Variants in PTPRD observed in about 807,000 individuals in gnomAD.
The protein encoded by PTPRD is receptor-type tyrosine-protein phosphatase delta.
A neutral mutation model predicts 214.5 loss-of-function variants in PTPRD; 34 were observed. The observed-to-expected ratio is 0.16, with a 90% confidence interval of 0.12 to 0.21. The LOEUF is 0.21. PTPRD is among the 10% of genes least tolerant of loss of function. PTPRD has a pLI of 1.00. For missense variants in PTPRD, 2,545 were observed against 2,398.7 expected (o/e 1.06, Z -1.27); for synonymous variants, 1,128 against 845.7 (o/e 1.33, Z -5.79).
chr9:10,414,696 C>T (rs1703074998), intron 2 of PTPRD, among the ~76,000 whole-genome samples: 1 of 151,882 alleles, frequency 6.6e-6, no homozygotes, highest in Admixed American at 6.6e-5. Context: ...CCTAAACACC[C>T]ATCAATGATA....
rs183082628 is a variant in PTPRD at position 9,633,552 on chromosome 9, A to G, written c.-286-58771T>C. Among the ~76,000 whole-genome samples, 555 of 152,300 alleles carry G rather than the reference A, an allele frequency of 3.6e-3. 5 individuals carry two copies. The highest frequency in any genetic ancestry group is 0.013 in the African/African-American group (528 of 41,570). ...AAGCAGATATTATTTCTTTATAGCT[A>G]TCATAAGCAAGGAGTCTGATTCTCT... is the stretch of plus-strand genomic sequence containing the variant. On this transcript the variant is annotated intron_variant, in intron 7 of 45. Coordinates refer to ENST00000381196, the MANE Select transcript of PTPRD (RefSeq NM_002839.4).
chr9:10,177,006 G>A (rs997001634), intron 3 of PTPRD, among the ~76,000 whole-genome samples: 3 of 151,944 alleles, frequency 2.0e-5, no homozygotes, highest in Admixed American at 6.6e-5. Context: ...GCTCATCCAT[G>A]TAACCTACAC....
chr9:9,265,075 G>C (rs1374399252), intron 9 of PTPRD, among the ~76,000 whole-genome samples: 1 of 151,636 alleles, frequency 6.6e-6, no homozygotes. Flanking sequence ...GATGCTATTA[G>C]TAATATGAAA....
rs71321214 is a variant in PTPRD at position 10,018,538 on chromosome 9, C to CTTTTTTTTTTTTTTT, written c.-472+15165_-472+15179dup. ...AATGATTTATTTAAGAATTACATTT[C>CTTTTTTTTTTTTTTT]TTTTTTTTTTTTTTTTTTTTTTTTT... On this transcript the variant is annotated intron_variant, in intron 4 of 45. Transcript: ENST00000381196. Among the ~76,000 whole-genome samples the CTTTTTTTTTTTTTTT allele has an allele frequency of 1.3e-4, 9 of 71,092 alleles. 4 individuals carry two copies. The highest frequency in any genetic ancestry group is 2.4e-4 in the Non-Finnish European group (9 of 36,838). 46.6% of individuals were successfully genotyped at this position (71,092 alleles called of 152,430 possible).
intron 11 of PTPRD, among the ~76,000 whole-genome samples, chr9:8,838,788 T>C (rs2097495350): frequency 6.6e-6 from 1 of 152,008 alleles, no homozygotes; most frequent in Admixed American, 6.5e-5. Flanking sequence ...AGTTTGAGGA[T>C]CATGTGACTG....
intron 11 of PTPRD, among the ~76,000 whole-genome samples, chr9:8,840,384 A>T (rs1364289375): frequency 6.6e-6 from 1 of 152,228 alleles, no homozygotes; most frequent in African/African-American, 2.4e-5. Context: ...GCTGCGATCC[A>T]TGTAAGAAGT....
intron 5 of PTPRD, among the ~76,000 whole-genome samples, chr9:9,908,684 GTTCT>G (rs1378532063): frequency 2.6e-5 from 4 of 151,906 alleles, no homozygotes; most frequent in Non-Finnish European, 4.4e-5. Context: ...TGAGTTTTCT[GTTCT>G]TTATCTTGCT....
intron 4 of PTPRD, among the ~76,000 whole-genome samples, chr9:9,958,815 C>A (rs1426459758): frequency 6.6e-6 from 1 of 152,092 alleles, no homozygotes; most frequent in Non-Finnish European, 1.5e-5. Context: ...AACCTCACAC[C>A]TATTAGACAC....
chr9:8,763,608 A>G (rs1015229058), intron 11 of PTPRD, among the ~76,000 whole-genome samples: 2 of 151,474 alleles, frequency 1.3e-5, no homozygotes, highest in African/African-American at 4.8e-5. Flanking sequence ...ATTGCTACAA[A>G]TGTCATTTTT....
At chr9:9,725,324 T>C (rs2098065232) in intron 7 of PTPRD, among the ~76,000 whole-genome samples, 1 of 151,960 alleles carries the variant, frequency 6.6e-6, no homozygotes, top group African/African-American at 2.4e-5. Flanking sequence ...CTTTTTTTTT[T>C]TTTGCCTGCT....
chr9:10,470,228 A>G (rs2099021573), intron 2 of PTPRD, among the ~76,000 whole-genome samples: 1 of 152,158 alleles, frequency 6.6e-6, no homozygotes, highest in South Asian at 2.1e-4. Flanking sequence ...AATACACACC[A>G]CATAAATATG....
At chr9:8,426,049 T>C (rs766439209) in intron 35 of PTPRD, among the ~76,000 whole-genome samples, 1 of 152,164 alleles carries the variant, frequency 6.6e-6, no homozygotes, top group Non-Finnish European at 1.5e-5. Flanking sequence ...GAGAAGAGAA[T>C]GTTATAGAAG....
At chr9:8,606,206 A>G (rs1476001325) in intron 14 of PTPRD, among the ~76,000 whole-genome samples, 1 of 152,074 alleles carries the variant, frequency 6.6e-6, no homozygotes, top group Non-Finnish European at 1.5e-5. Flanking sequence ...AGGAGGGAAA[A>G]GTGTCCAAAT....
At chr9:9,244,387 T>C (rs1364188201) in intron 9 of PTPRD, among the ~76,000 whole-genome samples, 3 of 152,090 alleles carry the variant, frequency 2.0e-5, no homozygotes, top group East Asian at 1.9e-4. Context: ...CTTCAAACTA[T>C]GCTACAAGTC....
intron 10 of PTPRD, among the ~76,000 whole-genome samples, chr9:9,044,855 A>C (rs2099667239): frequency 6.6e-6 from 1 of 152,200 alleles, no homozygotes; most frequent in African/African-American, 2.4e-5. Flanking sequence ...CCAATGAAAT[A>C]GTTACCTTGA....
At chr9:9,650,843 TATC>T (rs1391331353) in intron 7 of PTPRD, among the ~76,000 whole-genome samples, 17 of 152,078 alleles carry the variant, frequency 1.1e-4, no homozygotes, top group Admixed American at 9.2e-4. Context: ...TACACCTATT[TATC>T]AGACTAAATT....
At position 9,628,136 on chromosome 9, in the gene PTPRD, T is replaced by A. The variant is rs371828429; in HGVS notation, c.-286-53355A>T. Among the ~76,000 whole-genome samples, 18 of 152,312 alleles carry A rather than the reference T, an allele frequency of 1.2e-4. No individual in the cohort carries two copies. In the South Asian group the frequency reaches 3.1e-3, roughly 26 times the overall value. ...AATTTTAATCATTAGTCAACTCTCA[T>A]TATGATACTGTATAAATGTAGGCTT... On this transcript the variant is annotated intron_variant, in intron 7 of 45. Coordinates refer to ENST00000381196, the MANE Select transcript of PTPRD (RefSeq NM_002839.4).
chr9:10,373,974 T>C (rs1323486), intron 2 of PTPRD, among the ~76,000 whole-genome samples: 114,789 of 151,942 alleles, frequency 0.76, 45,191 homozygotes, highest in East Asian at 0.9. Flanking sequence ...ACCTGGTTGG[T>C]GTTTGGTCAG....
rs576090284 is a variant in PTPRD at position 10,502,061 on chromosome 9, A to T, written c.-600+110337T>A. ...AAGAAAATCGAGCTTAATTTTTTTT[A>T]AGAAAATAGTGTGCTATTGTGAAAG... On this transcript the variant is annotated intron_variant, in intron 2 of 45. Coordinates refer to ENST00000381196, the MANE Select transcript of PTPRD (RefSeq NM_002839.4). Among the ~76,000 whole-genome samples, 202 of 151,868 alleles carry T rather than the reference A, an allele frequency of 1.3e-3. 3 individuals carry two copies. The highest frequency in any genetic ancestry group is 3.1e-3 in the South Asian group (15 of 4,818).
Sources: gnomAD v4.1 joint callset for allele counts (sites outside exome capture counted in the v4.1 genomes callset) on GRCh38, gnomAD v4.1.1 for gene constraint, MANE v1.5 for transcripts, NCBI Gene and HGNC (gene_info 2026-07-23, HGNC 2026-07-21) for gene names.